Variants in ST6GALNAC5 observed in about 807,000 individuals in gnomAD.
ST6GALNAC5 encodes ST6 N-acetylgalactosaminide alpha-2,6-sialyltransferase 5, also known as alpha-N-acetylgalactosaminide alpha-2,6-sialyltransferase 5.
Under a neutral mutation model 33.6 loss-of-function variants are expected in ST6GALNAC5, and 27 were observed. The ratio of observed to expected loss-of-function variants is 0.80; its 90% CI spans 0.59 to 1.11. The LOEUF (loss-of-function observed/expected upper bound fraction) is 1.11. Ranked by LOEUF, ST6GALNAC5 falls within the 50% of genes least tolerant of loss-of-function variation. ST6GALNAC5 has a pLI of 0.00. For missense variants in ST6GALNAC5, 428 were observed against 454.0 expected, an observed-to-expected ratio of 0.94 and a Z score of 0.52; for synonymous variants, 194 against 171.2, an observed-to-expected ratio of 1.13 and a Z score of -1.04.
chr1:76,936,587 T>A lies in ST6GALNAC5; in HGVS notation c.261+67845T>A, dbSNP rs558148884. On this transcript the variant is annotated intron_variant, in intron 2 of 4. Coordinates refer to ENST00000477717, the MANE Select transcript of ST6GALNAC5 (RefSeq NM_030965.3). ...TTCTTTCTTTGAGATTTTATACACA[T>A]GTGCTATTGAAATTTGAAGGAGAAG... 3.9e-4 allele frequency among the ~76,000 whole-genome samples: 59 copies of A among 152,222 alleles called. No homozygotes were observed. The South Asian group carries it at 0.012, about 31-fold the overall frequency.
intron 2 of ST6GALNAC5, among the ~76,000 whole-genome samples, chr1:76,930,599 A>G (rs768786054): frequency 6.6e-6 from 1 of 152,122 alleles, no homozygotes; most frequent in Non-Finnish European, 1.5e-5. Context: ...TTTTTGGGAG[A>G]ATGATTCTGA....
rs1031708945 is a variant in ST6GALNAC5 at position 76,867,588 on chromosome 1, C to T, written c.-88C>T. On this transcript the variant is annotated 5_prime_UTR_variant, in exon 1 of 5. Coordinates refer to ENST00000477717, the MANE Select transcript of ST6GALNAC5 (RefSeq NM_030965.3). ...GCTGGGCAAAAATCAGAGCCGCCTC[C>T]GCCCCATTACCCATCATGGAAACCC... 1 of 1,605,678 alleles carries T rather than the reference C, an allele frequency of 6.2e-7. No individual in the cohort carries two copies. Among genetic ancestry groups the T allele is most frequent in the African/African-American group, 1.3e-5 (1 of 74,850 alleles).
intron 2 of ST6GALNAC5, among the ~76,000 whole-genome samples, chr1:76,973,544 T>C (rs932052251): frequency 2.6e-5 from 4 of 152,044 alleles, no homozygotes; most frequent in Admixed American, 6.6e-5. Flanking sequence ...AACACCCTCA[T>C]GGAAACATCA....
At chr1:76,976,248 T>C (rs1021814595) in intron 2 of ST6GALNAC5, among the ~76,000 whole-genome samples, 3 of 152,196 alleles carry the variant, frequency 2.0e-5, no homozygotes, top group East Asian at 1.9e-4. Context: ...TAATAATTCA[T>C]GGAGTTTTAC....
intron 2 of ST6GALNAC5, among the ~76,000 whole-genome samples, chr1:76,878,451 C>T (rs181588520): frequency 3.0e-4 from 45 of 152,202 alleles, no homozygotes; most frequent in Non-Finnish European, 2.5e-4. Context: ...AGGACCTCAA[C>T]GACATTTTAG....
At chr1:76,872,111 ACACACAC>A (rs1407731327) in intron 2 of ST6GALNAC5, among the ~76,000 whole-genome samples, 2 of 136,126 alleles carry the variant, frequency 1.5e-5, no homozygotes, top group South Asian at 2.2e-4. Context: ...ACACACACAC[ACACACAC>A]CACACACATT....
intron 2 of ST6GALNAC5, among the ~76,000 whole-genome samples, chr1:76,913,279 A>G (rs1278961629): frequency 2.6e-5 from 4 of 151,624 alleles, no homozygotes; most frequent in Non-Finnish European, 5.9e-5. Flanking sequence ...AGTTTCTGCC[A>G]AGAGATCTGC....
intron 2 of ST6GALNAC5, among the ~76,000 whole-genome samples, chr1:76,944,039 G>A (rs1252597): frequency 0.6 from 90,628 of 151,808 alleles, 27,430 homozygotes; most frequent in African/African-American, 0.68. Context: ...GGGCCCTATT[G>A]CAGGCAAATC....
intron 2 of ST6GALNAC5, among the ~76,000 whole-genome samples, chr1:77,014,481 C>A (rs535897527): frequency 6.6e-6 from 1 of 152,274 alleles, no homozygotes; most frequent in African/African-American, 2.4e-5. Context: ...CAGGCCCTGC[C>A]CAGGAAAAGG....
chr1:76,872,508 G>T (rs888958985), intron 2 of ST6GALNAC5, among the ~76,000 whole-genome samples: 3 of 152,214 alleles, frequency 2.0e-5, no homozygotes, highest in Middle Eastern at 3.4e-3. Context: ...AATCAAAATT[G>T]CTTAGTGGTA....
intron 2 of ST6GALNAC5, among the ~76,000 whole-genome samples, chr1:76,952,669 AT>A (rs1647798184): frequency 6.6e-6 from 1 of 151,600 alleles, no homozygotes; most frequent in South Asian, 2.1e-4. Flanking sequence ...AACATGTACA[AT>A]TATTATGTGT....
intron 2 of ST6GALNAC5, among the ~76,000 whole-genome samples, chr1:76,972,778 C>A (rs1329541178): frequency 6.6e-6 from 1 of 152,186 alleles, no homozygotes; most frequent in Non-Finnish European, 1.5e-5. Context: ...CCATTTTGCA[C>A]TCCCATCATC....
intron 2 of ST6GALNAC5, among the ~76,000 whole-genome samples, chr1:76,879,213 C>A (rs563291312): frequency 6.6e-6 from 1 of 152,290 alleles, no homozygotes. Flanking sequence ...GCCTTTGGGT[C>A]CCTTCCTCTA....
At chr1:76,974,394 G>A (rs554273909) in intron 2 of ST6GALNAC5, among the ~76,000 whole-genome samples, 30 of 151,724 alleles carry the variant, frequency 2.0e-4, no homozygotes, top group African/African-American at 6.0e-4. Context: ...TTTTTGTAGA[G>A]AAGAGGTTTC....
chr1:76,905,901 T>C (rs1361660276), intron 2 of ST6GALNAC5, among the ~76,000 whole-genome samples: 2 of 152,154 alleles, frequency 1.3e-5, no homozygotes, highest in Non-Finnish European at 2.9e-5. Flanking sequence ...AGGCTTTCCT[T>C]AGAGGGAGCG....
At position 76,867,559 on chromosome 1, in the gene ST6GALNAC5, G is replaced by C. The variant is rs1412559429; in HGVS notation, c.-117G>C. On this transcript the variant is annotated 5_prime_UTR_variant, in exon 1 of 5. Transcript: ENST00000477717. ...CTCCCGCGCGCGATCTGCCGCGGCCGGCTGCTGGGCAAAAATCAGAGCCGC... is the reference window on the plus strand; with the variant it reads ...CTCCCGCGCGCGATCTGCCGCGGCCCGCTGCTGGGCAAAAATCAGAGCCGC... 8 of 1,556,664 alleles carry C rather than the reference G, an allele frequency of 5.1e-6. No homozygotes were observed. The highest frequency in any genetic ancestry group is 6.2e-6 in the Non-Finnish European group (7 of 1,129,760).
In ST6GALNAC5 at chr1:76,965,220, C is replaced by CG. The variant is rs200297562; in HGVS notation, c.262-78984_262-78983insG. On this transcript the variant is annotated intron_variant, in intron 2 of 4. Transcript: ENST00000477717. ...AATGGTGGAATTAGTTTACCACCCC[C>CG]CCCACCAACAGTGTAAAAGCATTCC... Among the ~76,000 whole-genome samples the CG allele has an allele frequency of 3.8e-3, 580 of 151,552 alleles. 5 individuals carry two copies. Among genetic ancestry groups the CG allele is most frequent in the African/African-American group, 0.013 (556 of 41,358 alleles).
At chr1:77,018,961 G>T (rs1650952623) in intron 2 of ST6GALNAC5, among the ~76,000 whole-genome samples, 3 of 152,190 alleles carry the variant, frequency 2.0e-5, no homozygotes, top group South Asian at 2.1e-4. Context: ...GGCTGAGAAG[G>T]GACTCAGATG....
At chr1:76,920,540 CTG>C (rs2100296125) in intron 2 of ST6GALNAC5, among the ~76,000 whole-genome samples, 1 of 152,326 alleles carries the variant, frequency 6.6e-6, no homozygotes, top group Admixed American at 6.5e-5. Context: ...CAAACTAACA[CTG>C]TAAGTTTACC....
Sources: gnomAD v4.1 joint callset for allele counts (sites outside exome capture counted in the v4.1 genomes callset) on GRCh38, gnomAD v4.1.1 for gene constraint, MANE v1.5 for transcripts, NCBI Gene and HGNC (gene_info 2026-07-23, HGNC 2026-07-21) for gene names.